MAMLD1: variants seen among roughly 807,000 people sequenced by gnomAD.
The protein encoded by MAMLD1 is mastermind-like domain-containing protein 1.
In MAMLD1, 14 loss-of-function variants were observed where a neutral mutation model predicts 45.0. That is an observed-to-expected ratio of 0.31 (90% confidence interval 0.21 to 0.49). The LOEUF (loss-of-function observed/expected upper bound fraction) is 0.49. MAMLD1 is among the 20% of genes least tolerant of loss of function. MAMLD1 has a pLI of 0.99. For synonymous variants in MAMLD1, 254 were observed against 247.8 expected (o/e 1.02, Z -0.24); for missense variants, 543 against 603.6 (o/e 0.90, Z 1.05).
intron 5 of MAMLD1, among the ~76,000 whole-genome samples, chrX:150,488,697 T>G (rs1393594555): frequency 3.5e-5 from 4 of 113,211 alleles, no homozygotes; most frequent in African/African-American, 6.4e-5. Context: ...TCATTAGATA[T>G]TCACACATCA....
intron 5 of MAMLD1, among the ~76,000 whole-genome samples, chrX:150,497,291 T>TC (rs1374576422): frequency 3.0e-5 from 3 of 100,867 alleles, no homozygotes; most frequent in Non-Finnish European, 6.1e-5. Flanking sequence ...TTCTTTTTTT[T>TC]TTTTTTTTTT....
chrX:150,403,929 G>A (rs1206281332), intron 1 of MAMLD1, among the ~76,000 whole-genome samples: 951 of 44,035 alleles, frequency 0.022, 7 homozygotes, highest in Non-Finnish European at 0.035. Context: ...AAGAAAGACA[G>A]AGAAAGAAAG....
chrX:150,430,848 C>A (rs990679479), intron 1 of MAMLD1, among the ~76,000 whole-genome samples: 5 of 112,494 alleles, frequency 4.4e-5, no homozygotes, highest in African/African-American at 1.6e-4. Context: ...ACTGCACAGT[C>A]TTGATTAATG....
intron 1 of MAMLD1, among the ~76,000 whole-genome samples, chrX:150,438,927 T>C (rs781853534): frequency 5.4e-5 from 6 of 111,930 alleles, no homozygotes; most frequent in Non-Finnish European, 9.4e-5. Context: ...CGCCAAACTG[T>C]TTTTGATAGC....
At chrX:150,504,354 A>G in intron 6 of MAMLD1, 1 of 752,238 alleles carries the variant, frequency 1.3e-6, no homozygotes, top group Non-Finnish European at 1.6e-6. Context: ...TGATCAGAAG[A>G]TGGTCATTAA....
chrX:150,455,505 G>C (rs1257392284), intron 2 of MAMLD1, among the ~76,000 whole-genome samples: 1 of 110,659 alleles, frequency 9.0e-6, no homozygotes, highest in Non-Finnish European at 1.9e-5. Context: ...ATATTTATTT[G>C]GTATCTACAC....
chrX:150,390,464 T>C (rs1342154058), intron 1 of MAMLD1, among the ~76,000 whole-genome samples: 2 of 112,442 alleles, frequency 1.8e-5, no homozygotes, highest in East Asian at 5.5e-4. Context: ...TTTAGCATAT[T>C]ACATTGTATA....
intron 3 of MAMLD1, among the ~76,000 whole-genome samples, chrX:150,467,909 G>A (rs1317382663): frequency 8.9e-6 from 1 of 112,330 alleles, no homozygotes; most frequent in African/African-American, 3.2e-5. Flanking sequence ...GCTATTAGGT[G>A]TCATACAATG....
chrX:150,470,730 C>T lies in MAMLD1; in HGVS notation c.1157C>T (p.Ala386Val). 2.5e-6 allele frequency: 3 copies of T among 1,212,071 alleles called. No individual in the cohort carries two copies. Among genetic ancestry groups the T allele is most frequent in the Non-Finnish European group, 3.3e-6 (3 of 895,555 alleles). ...AGCACTCTCCGAGGCTCTCCCAATG[C>T]CTTACTGTCAAGCATGACGTCCAGC... is the stretch of plus-strand genomic sequence containing the variant. ...SGSTLRGSPN[A>V]LLSSMTSSSN... The change falls in exon 4 of 8, where the codon GCC (alanine) becomes GTC (valine). Residue 386 changes from alanine to valine, a missense_variant. Coordinates refer to ENST00000370401, the MANE Select transcript of MAMLD1 (RefSeq NM_005491.5).
At chrX:150,486,336 A>G (rs2036985571) in intron 5 of MAMLD1, among the ~76,000 whole-genome samples, 1 of 111,602 alleles carries the variant, frequency 9.0e-6, no homozygotes, top group Non-Finnish European at 1.9e-5. Flanking sequence ...CTTCTTTCCC[A>G]GAAGCCCCCC....
At chrX:150,398,252 G>GAGAAGAAGAAGAAGAAGAAGAAGA (rs1221742768) in intron 1 of MAMLD1, among the ~76,000 whole-genome samples, 2 of 40,761 alleles carry the variant, frequency 4.9e-5, no homozygotes, top group Non-Finnish European at 9.3e-5. Context: ...GGAGGAGAAG[G>GAGAAGAAGAAGAAGAAGAAGAAGA]AGAAGAAGAA....
chrX:150,414,489 G>A (rs923998458), intron 1 of MAMLD1, among the ~76,000 whole-genome samples: 2 of 111,388 alleles, frequency 1.8e-5, no homozygotes, highest in Non-Finnish European at 3.8e-5. Flanking sequence ...GGACCTGGAG[G>A]CAAGTCCCAG....
At chrX:150,499,172 A>T (rs886562743) in intron 5 of MAMLD1, among the ~76,000 whole-genome samples, 1 of 112,176 alleles carries the variant, frequency 8.9e-6, no homozygotes, top group Non-Finnish European at 1.9e-5. Flanking sequence ...TCAAGTCTCC[A>T]GTTCGCTTTC....
chrX:150,501,541 C>T (rs1436843617), intron 5 of MAMLD1, among the ~76,000 whole-genome samples: 2 of 112,099 alleles, frequency 1.8e-5, no homozygotes, highest in African/African-American at 6.5e-5. Context: ...GCATAAATCC[C>T]ATTAGAATGG....
intron 1 of MAMLD1, among the ~76,000 whole-genome samples, chrX:150,372,274 C>T (rs2032053318): frequency 1.8e-5 from 2 of 111,899 alleles, no homozygotes; most frequent in Non-Finnish European, 3.8e-5. Context: ...GTGTGTGTCT[C>T]GTTTTCGAGT....
chrX:150,483,359 C>T (rs1475623660), intron 5 of MAMLD1, among the ~76,000 whole-genome samples: 12 of 112,403 alleles, frequency 1.1e-4, no homozygotes, highest in Non-Finnish European at 1.5e-4. Context: ...CATAGGAAGA[C>T]GTCTTCGCTA....
intron 2 of MAMLD1, among the ~76,000 whole-genome samples, chrX:150,461,994 G>A (rs368404079): frequency 1.6e-4 from 18 of 112,194 alleles, no homozygotes; most frequent in African/African-American, 5.2e-4. Flanking sequence ...GGCCATACCC[G>A]GTGGGCGGAG....
intron 5 of MAMLD1, among the ~76,000 whole-genome samples, chrX:150,481,372 C>T (rs782306004): frequency 8.9e-6 from 1 of 112,521 alleles, no homozygotes; most frequent in Non-Finnish European, 1.9e-5. Flanking sequence ...GAGAAAATAA[C>T]AAGTGATGGT....
chrX:150,378,244 A>G (rs781931190), intron 1 of MAMLD1, among the ~76,000 whole-genome samples: 30 of 111,941 alleles, frequency 2.7e-4, no homozygotes, highest in Non-Finnish European at 4.9e-4. Flanking sequence ...TTGTTGCCTG[A>G]TGTTTCCTCA....
Sources: gnomAD v4.1 joint callset for allele counts (sites outside exome capture counted in the v4.1 genomes callset) on GRCh38, gnomAD v4.1.1 for gene constraint, MANE v1.5 for transcripts, NCBI Gene and HGNC (gene_info 2026-07-23, HGNC 2026-07-21) for gene names.